Variants in KPTN observed in about 807,000 individuals in gnomAD.
KPTN encodes the protein kaptin, actin binding protein, also known as KICSTOR complex protein kaptin.
In KPTN, 36 loss-of-function variants were observed where a neutral mutation model predicts 52.6. That is an observed-to-expected ratio of 0.68 (90% CI 0.52 to 0.90). The LOEUF (loss-of-function observed/expected upper bound fraction) is 0.90, where lower values mean the gene tolerates loss of function less well. KPTN is among the 40% of genes least tolerant of loss of function. KPTN has a pLI of 0.00. For missense variants in KPTN, 529 were observed against 576.2 expected (o/e 0.92, Z 0.84); for synonymous variants, 271 against 248.4 (o/e 1.09, Z -0.85).
Position 47,477,705 on chromosome 19 carries a change from C to T in KPTN, c.863+1G>A, listed in dbSNP as rs746073870. 6.2e-7 allele frequency: 1 copy of T among 1,612,682 alleles called. No individual in the cohort carries two copies. The highest frequency in any genetic ancestry group is 2.2e-5 in the East Asian group (1 of 44,872). ...CACCCATGTGTCTCAGGCCCCCTCA[C>T]CGATACACCACTGCTGGCTCCAACA... On this transcript the variant is annotated splice_donor_variant, in intron 9 of 11. Coordinates refer to ENST00000338134, the MANE Select transcript of KPTN (RefSeq NM_007059.4). LOFTEE classifies it high-confidence loss of function.
At chr19:47,476,984 G>C in intron 9 of KPTN, 46 bp from the exon 10 acceptor site, 2 of 1,538,172 alleles carry the variant, frequency 1.3e-6, no homozygotes, top group Non-Finnish European at 1.8e-6. Context: ...AGCTTGCAGT[G>C]CCCAGCACCC....
rs1421497055 is a variant in KPTN at position 47,475,423 on chromosome 19, G to A, written c.1304C>T (p.Ala435Val). Residue 435 changes from alanine to valine, a missense_variant, in exon 12 of 12, where the codon GCC becomes GTC. Coordinates refer to ENST00000338134, the MANE Select transcript of KPTN (RefSeq NM_007059.4). ...GAGAGPAENA[A>V]S is the part of the protein sequence containing the mutation. ...GAGTGGGTGCATGGGTGCTTAAGAG[G>A]CTGCATTCTCAGCAGGCCCTGCACC... 1.2e-6 allele frequency: 2 copies of A among 1,612,316 alleles called. No individual in the cohort carries two copies. Among genetic ancestry groups the A allele is most frequent in the Non-Finnish European group, 1.7e-6 (2 of 1,178,922 alleles).
Position 47,484,001 on chromosome 19 carries a change from G to A in KPTN, c.160C>T (p.Arg54Cys). The A allele has an allele frequency of 1.2e-6, 2 of 1,613,354 alleles. No homozygotes were observed. The highest frequency in any genetic ancestry group is 1.7e-6 in the Non-Finnish European group (2 of 1,180,008). ...ATLKGKVLGF[R>C]YQDLRQKIRP... ...ATTTTCTGTCGGAGGTCTTGGTAGCGGAAGCCGAGCACCTTGCCTTTAAGG... is the reference window on the plus strand; with the variant it reads ...ATTTTCTGTCGGAGGTCTTGGTAGCAGAAGCCGAGCACCTTGCCTTTAAGG... The change falls in exon 1 of 12, where the codon CGC (arginine) becomes TGC (cysteine). Residue 54 changes from arginine to cysteine, a missense_variant. Coordinates refer to ENST00000338134, the MANE Select transcript of KPTN (RefSeq NM_007059.4).
chr19:47,481,391 T>A (rs755951246), intron 4 of KPTN, among the ~76,000 whole-genome samples: 1 of 152,174 alleles, frequency 6.6e-6, no homozygotes, highest in Non-Finnish European at 1.5e-5. Context: ...TGCAGAACCT[T>A]AGAAAGCTAG....
At chr19:47,482,500 G>GA (rs1210584644) in intron 4 of KPTN, among the ~76,000 whole-genome samples, 5 of 131,744 alleles carry the variant, frequency 3.8e-5, no homozygotes, top group African/African-American at 2.8e-5. Context: ...AAAAAAGAAA[G>GA]AAAAAAAAAG....
intron 8 of KPTN, among the ~76,000 whole-genome samples, chr19:47,477,991 C>G (rs527524521): frequency 6.7e-6 from 1 of 149,682 alleles, no homozygotes; most frequent in African/African-American, 2.5e-5. Flanking sequence ...ACCTGGGAGG[C>G]GGAGGTTGGA....
intron 11 of KPTN, among the ~76,000 whole-genome samples, 176 bp from the exon 12 acceptor site, chr19:47,475,720 G>A (rs1314430814): frequency 3.9e-5 from 6 of 152,164 alleles, no homozygotes; most frequent in Admixed American, 6.5e-5. Flanking sequence ...GTGAAGGGGA[G>A]TGGCCTTAAG....
In KPTN at chr19:47,482,665, T is replaced by C. The variant is rs1967924154; in HGVS notation, c.449+496A>G. ...TTGTGCTTTCCATTCTCACATGACC[T>C]CTCTGGTCCCCAAAGGCATTTTAGT... On this transcript the variant is annotated intron_variant, in intron 4 of 11. Coordinates refer to ENST00000338134, the MANE Select transcript of KPTN (RefSeq NM_007059.4). Among the ~76,000 whole-genome samples, 4 of 152,144 alleles carry C rather than the reference T, an allele frequency of 2.6e-5. No homozygotes were observed. In the South Asian group the frequency reaches 8.3e-4, roughly 31 times the overall value.
chr19:47,484,525 G>GT (rs1446404855), upstream of KPTN: 4 of 287,602 alleles, frequency 1.4e-5, no homozygotes, highest in East Asian at 7.1e-5. Flanking sequence ...AGGAACTACT[G>GT]TAAGTGCATT....
chr19:47,485,079 A>G (rs996998700), upstream of KPTN, among the ~76,000 whole-genome samples: 1 of 152,164 alleles, frequency 6.6e-6, no homozygotes. Context: ...TGATCCAGCT[A>G]TAATAACCAC....
chr19:47,481,362 G>A (rs1967873860), intron 4 of KPTN, among the ~76,000 whole-genome samples: 1 of 152,186 alleles, frequency 6.6e-6, no homozygotes, highest in African/African-American at 2.4e-5. Flanking sequence ...GGAATCGAAT[G>A]TGGAACTCTA....
intron 8 of KPTN, among the ~76,000 whole-genome samples, chr19:47,478,852 A>G (rs955623294): frequency 1.3e-5 from 2 of 152,194 alleles, no homozygotes; most frequent in Admixed American, 6.5e-5. Flanking sequence ...GAGTATGCAA[A>G]GGCATACAGA....
At chr19:47,477,570 C>G in intron 9 of KPTN, 136 bp downstream of exon 9, 1 of 648,486 alleles carries the variant, frequency 1.5e-6, no homozygotes, top group East Asian at 2.9e-5. Context: ...AGCCCCCACC[C>G]CTGGGTCACG....
Position 47,475,150 on chromosome 19 carries a change from T to G in KPTN, c.*266A>C. On this transcript the variant is annotated 3_prime_UTR_variant, in exon 12 of 12. Transcript: ENST00000338134. ...AAAAAGAATCGAGACAACTGGGAAA[T>G]GATGTTCTTCTGGACGTATAAATAA... The G allele has an allele frequency of 3.3e-6, 1 of 303,982 alleles. No homozygotes were observed. The highest frequency in any genetic ancestry group is 6.2e-6 in the Non-Finnish European group (1 of 160,076). 18.8% of individuals were successfully genotyped at this position (303,982 alleles called of 1,614,324 possible). A position where few individuals can be genotyped will look rare whatever the true frequency, so the allele number is the denominator to read the frequency against.
chr19:47,475,391 C>T lies in KPTN; in HGVS notation c.*25G>A. 1 of 1,608,968 alleles carries T rather than the reference C, an allele frequency of 6.2e-7. No homozygotes were observed. Among genetic ancestry groups the T allele is most frequent in the South Asian group, 1.1e-5 (1 of 90,626 alleles). On this transcript the variant is annotated 3_prime_UTR_variant, in exon 12 of 12. Transcript: ENST00000338134. ...GAGCACGCCATGAGTCGCCCCAGGT[C>T]TGGGAAGAGTGGGTGCATGGGTGCT...
chr19:47,478,567 T>TAAA (rs757744803), intron 8 of KPTN, among the ~76,000 whole-genome samples: 2 of 66,232 alleles, frequency 3.0e-5, no homozygotes, highest in African/African-American at 4.9e-5. Context: ...AGACTCTGTC[T>TAAA]AAAAAAAAAA....
intron 11 of KPTN, 30 bp from the exon 12 acceptor site, chr19:47,475,574 G>C: frequency 6.2e-7 from 1 of 1,607,946 alleles, no homozygotes; most frequent in South Asian, 1.1e-5. Flanking sequence ...GAGGGGGATG[G>C]AGCTGAGGAA....
At chr19:47,478,011 G>T (rs1051144048) in intron 8 of KPTN, among the ~76,000 whole-genome samples, 1 of 150,928 alleles carries the variant, frequency 6.6e-6, no homozygotes, top group African/African-American at 2.4e-5. Flanking sequence ...AGTGAGCCAA[G>T]ATCACACCAC....
At position 47,475,354 on chromosome 19, in the gene KPTN, G is replaced by A. The variant is rs1568451869; in HGVS notation, c.*62C>T. The A allele has an allele frequency of 5.7e-6, 9 of 1,573,290 alleles. No individual in the cohort carries two copies. In the South Asian group the frequency reaches 8.0e-5, roughly 14 times the overall value. On this transcript the variant is annotated 3_prime_UTR_variant, in exon 12 of 12. Coordinates refer to ENST00000338134, the MANE Select transcript of KPTN (RefSeq NM_007059.4). ...CTGTCCTTCAGGACACCCCCCACCAGCGGCTGGAGGTGAGCACGCCATGAG... is the reference window on the plus strand; with the variant it reads ...CTGTCCTTCAGGACACCCCCCACCAACGGCTGGAGGTGAGCACGCCATGAG...
Sources: allele counts gnomAD v4.1 joint callset (sites outside exome capture counted in the v4.1 genomes callset), GRCh38; gene constraint gnomAD v4.1.1; transcripts MANE v1.5; gene names NCBI Gene and HGNC (gene_info 2026-07-23, HGNC 2026-07-21).